The following FUBP1 variants were observed in gnomAD, a reference collection of about 807,000 sequenced individuals.
FUBP1 encodes the protein far upstream element binding protein 1, also known as far upstream element-binding protein 1.
In FUBP1, 16 loss-of-function variants were observed where a neutral mutation model predicts 94.9. That is an observed-to-expected ratio of 0.17 (90% CI 0.11 to 0.26). The LOEUF (loss-of-function observed/expected upper bound fraction) is 0.26, where lower values mean the gene tolerates loss of function less well. Among genes scored for constraint, FUBP1 ranks in the 10% least tolerant of loss-of-function variants. The pLI, the probability that FUBP1 is intolerant of heterozygous loss-of-function variation, is 1.00. For synonymous variants in FUBP1, 279 were observed against 254.9 expected (o/e 1.09, Z -0.90); for missense variants, 583 against 808.6 (o/e 0.72, Z 3.38).
intron 2 of FUBP1, chr1:77,968,961 G>T: frequency 1.9e-6 from 1 of 531,228 alleles, no homozygotes. Context: ...GTCCATTTAA[G>T]AATCCACTGG....
chr1:77,967,599 G>A (rs1656750226), intron 4 of FUBP1, 28 bp downstream of exon 4: 2 of 1,557,364 alleles, frequency 1.3e-6, no homozygotes, highest in Non-Finnish European at 1.8e-6. Context: ...AACTTGCAGA[G>A]TACTTTTTGA....
chr1:77,976,513 G>A (rs75770248), intron 1 of FUBP1, among the ~76,000 whole-genome samples: 1 of 139,328 alleles, frequency 7.2e-6, no homozygotes, highest in Admixed American at 7.1e-5. Flanking sequence ...TTTTTTTTTT[G>A]AGACAGGGTC....
In FUBP1 at chr1:77,960,139, G is replaced by A. The variant is rs551405402; in HGVS notation, c.1576+45C>T. The A allele has an allele frequency of 7.6e-6, 10 of 1,317,870 alleles. No individual in the cohort carries two copies. In the African/African-American group the frequency reaches 1.3e-4, roughly 17 times the overall value. 81.6% of individuals were successfully genotyped at this position (1,317,870 alleles called of 1,614,324 possible). A position where few individuals can be genotyped will look rare whatever the true frequency, so the allele number is the denominator to read the frequency against. On this transcript the variant is annotated intron_variant, in intron 16 of 19. Transcript: ENST00000370768. Reference sequence around the variant, plus strand: ...TAGAAAATTTAATAATGTAACAGGAGTGGAAAATAATACAGATAACACACA... The same window carrying A: ...TAGAAAATTTAATAATGTAACAGGAATGGAAAATAATACAGATAACACACA...
intron 16 of FUBP1, among the ~76,000 whole-genome samples, chr1:77,958,490 C>T (rs1220733197): frequency 6.6e-6 from 1 of 152,180 alleles, no homozygotes; most frequent in East Asian, 1.9e-4. Context: ...AATATTAAAA[C>T]AGTATGCTAT....
In FUBP1 at chr1:77,948,625, CAAAAAAAAA is replaced by C; in HGVS notation, c.*132_*140del. The C allele has an allele frequency of 2.1e-6, 2 of 974,842 alleles. No individual in the cohort carries two copies. The highest frequency in any genetic ancestry group is 2.7e-6 in the Non-Finnish European group (2 of 750,940). The allele number at this position is 974,842 out of a possible 1,614,324, so 60.4% of individuals were successfully genotyped here. On this transcript the variant is annotated 3_prime_UTR_variant, in exon 20 of 20. Coordinates refer to ENST00000370768, the MANE Select transcript of FUBP1 (RefSeq NM_003902.5). ...TAGTGATAGATATTTTGTACATTTT[CAAAAAAAAA>C]AAAAAAAAAGGAAACACTATTTTAA...
At chr1:77,965,636 A>G (rs1049711619) in intron 7 of FUBP1, among the ~76,000 whole-genome samples, 2 of 152,246 alleles carry the variant, frequency 1.3e-5, no homozygotes, top group Non-Finnish European at 2.9e-5. Flanking sequence ...TGCAGGTGCT[A>G]TTCTAGGTAA....
intron 7 of FUBP1, 27 bp from the exon 8 acceptor site, chr1:77,965,258 T>C (rs1316931384): frequency 6.6e-7 from 1 of 1,523,310 alleles, no homozygotes; most frequent in Non-Finnish European, 9.1e-7. Context: ...ATTTAAATAG[T>C]AAGCTGTAGC....
At chr1:77,973,756 C>G (rs1658050408) in intron 1 of FUBP1, among the ~76,000 whole-genome samples, 1 of 152,152 alleles carries the variant, frequency 6.6e-6, no homozygotes, top group Non-Finnish European at 1.5e-5. Context: ...AGTTTTTGCT[C>G]TTCACGGTTT....
At chr1:77,967,504 A>G in intron 4 of FUBP1, 123 bp downstream of exon 4, 2 of 692,704 alleles carry the variant, frequency 2.9e-6, no homozygotes, top group Non-Finnish European at 2.4e-6. Flanking sequence ...AAGGGGAGTG[A>G]TATGAACTAG....
intron 19 of FUBP1, 172 bp downstream of exon 19, chr1:77,948,983 A>G: frequency 2.2e-6 from 2 of 896,314 alleles, no homozygotes; most frequent in Non-Finnish European, 3.5e-6. Flanking sequence ...GATGCTGGAA[A>G]GCATTATAAA....
In FUBP1 at chr1:77,948,681, TTCA is replaced by T; in HGVS notation, c.*82_*84del. 1 of 1,511,188 alleles carries T rather than the reference TTCA, an allele frequency of 6.6e-7. No homozygotes were observed. The allele number at this position is 1,511,188 out of a possible 1,614,324, so 93.6% of individuals were successfully genotyped here. ...TTAAACCAAAAACAAAATTAAGATC[TTCA>T]TCAAGTCGTCTGCATCCATATATTT... On this transcript the variant is annotated 3_prime_UTR_variant, in exon 20 of 20. Coordinates refer to ENST00000370768, the MANE Select transcript of FUBP1 (RefSeq NM_003902.5).
intron 17 of FUBP1, 141 bp from the exon 18 acceptor site, chr1:77,955,470 C>A (rs1359643357): frequency 3.3e-6 from 2 of 612,546 alleles, no homozygotes; most frequent in Non-Finnish European, 5.9e-6. Flanking sequence ...GTGGTGGCAT[C>A]CCTAACAGTG....
chr1:77,960,784 C>T, intron 14 of FUBP1: 1 of 287,094 alleles, frequency 3.5e-6, no homozygotes, highest in Non-Finnish European at 6.5e-6. Context: ...AGCAGTAGTT[C>T]CCTTTCCTTT....
chr1:77,965,803 C>T (rs554055663), intron 7 of FUBP1, among the ~76,000 whole-genome samples: 2 of 152,306 alleles, frequency 1.3e-5, no homozygotes, highest in Admixed American at 6.5e-5. Context: ...AATCCCAGGA[C>T]TTTGGGAGGC....
At chr1:77,964,452 C>T (rs953457564) in intron 10 of FUBP1, 96 bp from the exon 11 acceptor site, 1 of 759,902 alleles carries the variant, frequency 1.3e-6, no homozygotes, top group Non-Finnish European at 2.1e-6. Context: ...TGAAAATCTG[C>T]CTCAAATCAT....
rs767919448 is a variant in FUBP1 at position 77,960,250 on chromosome 1, G to A, written c.1510C>T (p.Pro504Ser). The change falls in exon 16 of 20, where the codon CCA becomes TCA. Residue 504 changes from proline to serine, a missense_variant. Physicochemically the swap from Pro to Ser is moderately conservative, Grantham distance 74. Transcript: ENST00000370768. ...TTTCCCCATCCCTGGGGAGCATATG[G>A]GGCTGGAGGACCACTGAAAAGAAAA... is the stretch of plus-strand genomic sequence containing the variant. ...PGPAPHGPPAPYAPQGWGNAY... is the reference protein window; with the variant it reads ...PGPAPHGPPASYAPQGWGNAY... 4 of 1,613,188 alleles carry A rather than the reference G, an allele frequency of 2.5e-6. No individual in the cohort carries two copies. Among genetic ancestry groups the A allele is most frequent in the South Asian group, 1.1e-5 (1 of 90,980 alleles).
chr1:77,966,408 C>T (rs1246010453), intron 7 of FUBP1, among the ~76,000 whole-genome samples: 1 of 152,160 alleles, frequency 6.6e-6, no homozygotes, highest in Non-Finnish European at 1.5e-5. Context: ...TTAAGTGTCA[C>T]CAGTCGACCT....
chr1:77,978,735 T>C, intron 1 of FUBP1, 150 bp downstream of exon 1: 1 of 1,014,522 alleles, frequency 9.9e-7, no homozygotes. Context: ...CTCTAATCGT[T>C]ATTACCAACA....
Position 77,944,339 on chromosome 1 carries a change from C to T in FUBP1, c.*4427G>A, listed in dbSNP as rs531820321. The T allele has an allele frequency of 1.2e-3, 235 of 192,264 alleles. No homozygotes were observed. The highest frequency in any genetic ancestry group is 2.8e-3 in the African/African-American group (118 of 41,892). 11.9% of individuals were successfully genotyped at this position (192,264 alleles called of 1,614,324 possible). A position where few individuals can be genotyped will look rare whatever the true frequency, so the allele number is the denominator to read the frequency against. On this transcript the variant is annotated 3_prime_UTR_variant, in exon 20 of 20. Coordinates refer to ENST00000370768, the MANE Select transcript of FUBP1 (RefSeq NM_003902.5). ...ATAAGAAAATATATATATATATATG[C>T]GCAAATACATTTAAGAGTTTCTATA...
Sources: gnomAD v4.1 joint callset for allele counts (sites outside exome capture counted in the v4.1 genomes callset) on GRCh38, gnomAD v4.1.1 for gene constraint, MANE v1.5 for transcripts, NCBI Gene and HGNC (gene_info 2026-07-23, HGNC 2026-07-21) for gene names.